GMDS: variants seen among roughly 807,000 people sequenced by gnomAD.
GMDS encodes the protein GDP-mannose 4,6-dehydratase.
Under a neutral mutation model 49.9 loss-of-function variants are expected in GMDS, and 20 were observed. The ratio of observed to expected loss-of-function variants is 0.40; its 90% CI spans 0.28 to 0.58. GMDS has a LOEUF of 0.58. GMDS is among the 20% of genes least tolerant of loss of function. The pLI, the probability that GMDS is intolerant of heterozygous loss-of-function variation, is 0.42. For synonymous variants in GMDS, 177 were observed against 178.6 expected (o/e 0.99, Z 0.07); for missense variants, 362 against 481.4 (o/e 0.75, Z 2.32).
chr6:1,839,911 C>T (rs1581243629), intron 7 of GMDS, among the ~76,000 whole-genome samples: 1 of 152,146 alleles, frequency 6.6e-6, no homozygotes, highest in African/African-American at 2.4e-5. Flanking sequence ...GTCTTCGGCT[C>T]GCAATCGTGA....
chr6:2,189,805 G>A (rs887928303), intron 1 of GMDS, among the ~76,000 whole-genome samples: 4 of 152,170 alleles, frequency 2.6e-5, no homozygotes, highest in African/African-American at 9.7e-5. Flanking sequence ...CATAACTGAT[G>A]GTCTAGGTCG....
At chr6:1,959,834 G>C in intron 6 of GMDS, 33 bp downstream of exon 6, 1 of 1,278,932 alleles carries the variant, frequency 7.8e-7, no homozygotes, top group Non-Finnish European at 1.1e-6. Context: ...GTTCAAGTCT[G>C]AAATTCTCTT....
At chr6:2,216,448 G>C (rs1018635573) in intron 1 of GMDS, among the ~76,000 whole-genome samples, 17 of 152,210 alleles carry the variant, frequency 1.1e-4, no homozygotes, top group Non-Finnish European at 1.8e-4. Flanking sequence ...TGTGTTTCCA[G>C]AGTGCTATGA....
chr6:2,130,019 C>A (rs1775647097), intron 1 of GMDS, among the ~76,000 whole-genome samples: 1 of 152,114 alleles, frequency 6.6e-6, no homozygotes, highest in African/African-American at 2.4e-5. Context: ...AGTAGCAGAA[C>A]CTGCAACCAA....
In GMDS at chr6:2,093,779, C is replaced by CA. The variant is rs760702286; in HGVS notation, c.345+21991dup. Among the ~76,000 whole-genome samples, 1,197 of 136,202 alleles carry CA rather than the reference C, an allele frequency of 8.8e-3. 8 individuals are homozygous for CA. The highest frequency in any genetic ancestry group is 0.023 in the African/African-American group (871 of 37,330). The allele number at this position is 136,202 out of a possible 152,430, so 89.4% of individuals were successfully genotyped here. On this transcript the variant is annotated intron_variant, in intron 4 of 10. Transcript: ENST00000380815. ...GATAACAGACTAGAAAGAAAAGCAG[C>CA]AAAAAAAAAAAGAAAAAAACATAGG...
At chr6:1,749,212 G>A (rs1251153257) in intron 7 of GMDS, among the ~76,000 whole-genome samples, 2 of 152,148 alleles carry the variant, frequency 1.3e-5, no homozygotes, top group Non-Finnish European at 2.9e-5. Context: ...GTGCTCTCTG[G>A]CGATGTTTGC....
Position 1,624,132 on chromosome 6 carries a change from T to A in GMDS, c.*37A>T. The A allele has an allele frequency of 6.3e-7, 1 of 1,583,704 alleles. No homozygotes were observed. The highest frequency in any genetic ancestry group is 8.6e-7 in the Non-Finnish European group (1 of 1,162,444). ...GTCTGCACCGGAGACTCTGCGGGGA[T>A]TGTAGCCGGAGGGCGGGCCGGGCTC... On this transcript the variant is annotated 3_prime_UTR_variant, in exon 11 of 11. Coordinates refer to ENST00000380815, the MANE Select transcript of GMDS (RefSeq NM_001500.4).
intron 4 of GMDS, among the ~76,000 whole-genome samples, chr6:2,033,931 G>A (rs1346264240): frequency 3.9e-5 from 6 of 152,028 alleles, no homozygotes; most frequent in African/African-American, 1.2e-4. Context: ...GTACCAGTCC[G>A]GAGGCATATA....
At chr6:2,219,047 C>T (rs1165585387) in intron 1 of GMDS, among the ~76,000 whole-genome samples, 1 of 151,972 alleles carries the variant, frequency 6.6e-6, no homozygotes, top group Non-Finnish European at 1.5e-5. Flanking sequence ...AAGTGAGCTA[C>T]GATCATACCA....
At chr6:1,737,404 C>T (rs1187269329) in intron 8 of GMDS, among the ~76,000 whole-genome samples, 10 of 152,118 alleles carry the variant, frequency 6.6e-5, no homozygotes, top group Non-Finnish European at 7.4e-5. Context: ...GTTTCCTTTT[C>T]ACACTACATA....
intron 1 of GMDS, among the ~76,000 whole-genome samples, chr6:2,223,372 G>A (rs1780680489): frequency 6.6e-6 from 1 of 151,994 alleles, no homozygotes; most frequent in Non-Finnish European, 1.5e-5. Flanking sequence ...ACTCCCCCCA[G>A]GGCAAGAGAG....
intron 7 of GMDS, among the ~76,000 whole-genome samples, chr6:1,900,608 A>G (rs1022763032): frequency 1.3e-5 from 2 of 152,230 alleles, no homozygotes; most frequent in Non-Finnish European, 2.9e-5. Context: ...ATTTTCAGAA[A>G]CTAGTCATGA....
intron 7 of GMDS, among the ~76,000 whole-genome samples, chr6:1,909,672 T>TG (rs111594837): frequency 6.6e-6 from 1 of 152,180 alleles, no homozygotes; most frequent in South Asian, 2.1e-4. Context: ...ACTCTCCCTC[T>TG]GGGGAGAAGA....
intron 4 of GMDS, among the ~76,000 whole-genome samples, chr6:2,100,114 T>C (rs1773838910): frequency 6.6e-6 from 1 of 152,160 alleles, no homozygotes; most frequent in African/African-American, 2.4e-5. Flanking sequence ...TACATGATTA[T>C]AAAAATTCTG....
At chr6:1,740,246 TAAACTATACGTTTTAATTA>T (rs1434661188) in intron 8 of GMDS, among the ~76,000 whole-genome samples, 2 of 152,252 alleles carry the variant, frequency 1.3e-5, no homozygotes, top group African/African-American at 4.8e-5. Context: ...TAATTTCTGC[TAAACTATACGTTTTAATTA>T]AAATTTTTGG....
At chr6:1,997,416 G>T (rs1029655533) in intron 4 of GMDS, among the ~76,000 whole-genome samples, 2 of 150,520 alleles carry the variant, frequency 1.3e-5, no homozygotes, top group African/African-American at 4.9e-5. Flanking sequence ...GCTGAGGCAG[G>T]AGATTTGTTT....
At chr6:2,188,543 G>A (rs1190315130) in intron 1 of GMDS, among the ~76,000 whole-genome samples, 1 of 152,218 alleles carries the variant, frequency 6.6e-6, no homozygotes, top group African/African-American at 2.4e-5. Context: ...ACTCTTTGCA[G>A]CAATGAAGTA....
chr6:1,853,084 C>A (rs1757764454), intron 7 of GMDS, among the ~76,000 whole-genome samples: 1 of 152,086 alleles, frequency 6.6e-6, no homozygotes, highest in African/African-American at 2.4e-5. Context: ...AGGGGAAATG[C>A]AGGCAGGACT....
At chr6:1,764,273 C>T (rs6926560) in intron 7 of GMDS, among the ~76,000 whole-genome samples, 142,574 of 152,178 alleles carry the variant, frequency 0.94, 66,824 homozygotes, top group East Asian at 1. Context: ...AACGGAGGCC[C>T]GTGTGTGGGA....
Sources: gnomAD v4.1 joint callset for allele counts (sites outside exome capture counted in the v4.1 genomes callset) on GRCh38, gnomAD v4.1.1 for gene constraint, MANE v1.5 for transcripts, NCBI Gene and HGNC (gene_info 2026-07-23, HGNC 2026-07-21) for gene names.